Variants in DCAF8L2 observed in about 807,000 individuals in gnomAD.
DCAF8L2 encodes the protein DDB1 and CUL4 associated factor 8 like 2.
For missense variants in DCAF8L2, 430 were observed against 490.7 expected (o/e 0.88, Z 1.17); for synonymous variants, 200 against 190.9 (o/e 1.05, Z -0.39).
the DCAF8L2 span, among the ~76,000 whole-genome samples, chrX:27,557,850 A>G: frequency 9.0e-6 from 1 of 111,022 alleles, no homozygotes; most frequent in East Asian, 2.8e-4. Flanking sequence ...CCACATACAT[A>G]TACTTCTCTA....
the DCAF8L2 span, among the ~76,000 whole-genome samples, chrX:27,523,354 T>C: frequency 9.0e-6 from 1 of 110,565 alleles, no homozygotes; most frequent in Non-Finnish European, 1.9e-5. Flanking sequence ...AATATATAAA[T>C]GTGTAATATA....
the DCAF8L2 span, among the ~76,000 whole-genome samples, chrX:27,511,089 C>T: frequency 9.0e-6 from 1 of 110,799 alleles, no homozygotes. Context: ...ATATGTACAA[C>T]AGCTAGGCTC....
At chrX:27,583,272 T>C in the DCAF8L2 span, among the ~76,000 whole-genome samples, 1 of 111,880 alleles carries the variant, frequency 8.9e-6, no homozygotes, top group Non-Finnish European at 1.9e-5. Context: ...TACTATGTTC[T>C]TTCAACAATC....
the DCAF8L2 span, among the ~76,000 whole-genome samples, chrX:27,547,985 AG>A: frequency 6.6e-5 from 7 of 106,206 alleles, no homozygotes; most frequent in Non-Finnish European, 1.3e-4. Flanking sequence ...AGGCCTCCCC[AG>A]GCATGCCTCC....
chrX:27,492,458 A>G, the DCAF8L2 span, among the ~76,000 whole-genome samples: 1 of 105,108 alleles, frequency 9.5e-6, no homozygotes, highest in African/African-American at 3.5e-5. Context: ...TGCTAACTCC[A>G]TGTTTTTCTT....
rs187769934 is a variant in DCAF8L2, at chrX:27,593,239, C to T, written c.-342+2799C>T. Among the ~76,000 whole-genome samples the T allele has an allele frequency of 3.9e-3, 437 of 111,833 alleles. 1 individual carries two copies. The highest frequency in any genetic ancestry group is 0.013 in the African/African-American group (410 of 30,788). ...TCACACAACTCCCTTTGCCCTTCCT[C>T]CCACCCTTGGCAACCACCATTCTTC... On this transcript the variant is annotated intron_variant, in intron 1 of 4. Transcript: ENST00000451261.
the DCAF8L2 span, among the ~76,000 whole-genome samples, chrX:27,544,994 G>C: frequency 8.9e-6 from 1 of 112,164 alleles, no homozygotes; most frequent in Non-Finnish European, 1.9e-5. Flanking sequence ...ATTAGGTCTA[G>C]AGTTTAAAAA....
chrX:27,518,208 C>G, the DCAF8L2 span: 30 of 893,872 alleles, frequency 3.4e-5, no homozygotes, highest in East Asian at 5.3e-4. Flanking sequence ...CCTATGCTGT[C>G]CAAGCCAAGT....
the DCAF8L2 span, among the ~76,000 whole-genome samples, chrX:27,552,410 T>C: frequency 1.8e-5 from 2 of 111,710 alleles, no homozygotes; most frequent in African/African-American, 3.2e-5. Context: ...TGTTGTCTTC[T>C]AGTAGTTTTA....
chrX:27,490,978 A>T, the DCAF8L2 span, among the ~76,000 whole-genome samples: 1 of 111,933 alleles, frequency 8.9e-6, no homozygotes, highest in Non-Finnish European at 1.9e-5. Flanking sequence ...TTCAAGAGCT[A>T]TGAAAATAAT....
the DCAF8L2 span, among the ~76,000 whole-genome samples, chrX:27,500,796 C>A: frequency 8.9e-6 from 1 of 111,760 alleles, no homozygotes; most frequent in Non-Finnish European, 1.9e-5. Flanking sequence ...ACCAGGCTAG[C>A]TTTACCAGAT....
At position 27,677,877 on chromosome X, in the gene DCAF8L2, T is replaced by G. The variant is rs1160537390; in HGVS notation, c.-178T>G. Reference sequence around the variant, plus strand: ...GAAGAAAATCATATCACATGTGAACTTTCTGACCATACTGTGGAGCGGTGC... The same window carrying G: ...GAAGAAAATCATATCACATGTGAACGTTCTGACCATACTGTGGAGCGGTGC... On this transcript the variant is annotated 5_prime_UTR_variant, in exon 3 of 5. Transcript: ENST00000451261. 8.9e-6 allele frequency: 1 copy of G among 112,007 alleles called. No homozygotes were observed. Among genetic ancestry groups the G allele is most frequent in the Admixed American group, 9.5e-5 (1 of 10,517 alleles). The allele number at this position is 112,007 out of a possible 1,213,427, so 9.2% of individuals were successfully genotyped here. A position where few individuals can be genotyped will look rare whatever the true frequency, so the allele number is the denominator to read the frequency against.
At chrX:27,533,234 G>GAAGAA in the DCAF8L2 span, among the ~76,000 whole-genome samples, 33 of 33,738 alleles carry the variant, frequency 9.8e-4, no homozygotes, top group African/African-American at 2.1e-3. Flanking sequence ...AAGAAAGAAA[G>GAAGAA]AGAAAGAAAG....
At chrX:27,700,656 C>T (rs1029566849) in intron 3 of DCAF8L2, among the ~76,000 whole-genome samples, 2 of 111,110 alleles carry the variant, frequency 1.8e-5, no homozygotes, top group African/African-American at 3.3e-5. Flanking sequence ...CTGGGAAATA[C>T]GAATTTTGCC....
intron 4 of DCAF8L2, among the ~76,000 whole-genome samples, chrX:27,745,719 G>A (rs1019102509): frequency 1.8e-5 from 2 of 111,612 alleles, no homozygotes; most frequent in African/African-American, 6.5e-5. Context: ...TTAGTTAGCA[G>A]TTTACTGTAG....
chrX:27,499,289 A>G, the DCAF8L2 span, among the ~76,000 whole-genome samples: 143 of 111,574 alleles, frequency 1.3e-3, no homozygotes, highest in African/African-American at 4.5e-3. Flanking sequence ...GTAATATCTC[A>G]TTGTGGTTAT....
At chrX:27,701,812 G>A (rs1931140087) in intron 3 of DCAF8L2, among the ~76,000 whole-genome samples, 1 of 109,714 alleles carries the variant, frequency 9.1e-6, no homozygotes, top group African/African-American at 3.3e-5. Context: ...AGAAAAATAA[G>A]AGCAAACTAA....
At chrX:27,533,994 A>C in the DCAF8L2 span, among the ~76,000 whole-genome samples, 3 of 111,292 alleles carry the variant, frequency 2.7e-5, no homozygotes, top group African/African-American at 9.8e-5. Flanking sequence ...GGATCACTTG[A>C]GCTCAGAAGT....
the DCAF8L2 span, among the ~76,000 whole-genome samples, chrX:27,532,807 G>A: frequency 9.5e-6 from 1 of 105,792 alleles, no homozygotes; most frequent in Admixed American, 1.1e-4. Context: ...CGCACTTGGT[G>A]GCTCACACCT....
Sources: allele counts gnomAD v4.1 joint callset (sites outside exome capture counted in the v4.1 genomes callset), GRCh38; gene constraint gnomAD v4.1.1; transcripts MANE v1.5; gene names NCBI Gene and HGNC (gene_info 2026-07-23, HGNC 2026-07-21).